The following DIAPH2 variants were observed in gnomAD, a reference collection of about 807,000 sequenced individuals.
DIAPH2 encodes protein diaphanous homolog 2.
DIAPH2 carries 35 observed loss-of-function variants against 92.7 expected under a neutral mutation model. The ratio of observed to expected loss-of-function variants is 0.38; its 90% CI spans 0.29 to 0.50. The LOEUF (loss-of-function observed/expected upper bound fraction) is 0.50. Among genes scored for constraint, DIAPH2 ranks in the 20% least tolerant of loss-of-function variants. The probability of loss-of-function intolerance (pLI) is 0.94; values close to 1 mark genes in which losing one functional copy is unlikely to be tolerated. For synonymous variants in DIAPH2, 301 were observed against 280.4 expected, an observed-to-expected ratio of 1.07 and a Z score of -0.73; for missense variants, 701 against 819.5, an observed-to-expected ratio of 0.86 and a Z score of 1.77.
At chrX:96,806,897 C>T (rs1367536312) in intron 4 of DIAPH2, among the ~76,000 whole-genome samples, 1 of 108,883 alleles carries the variant, frequency 9.2e-6, no homozygotes, top group Non-Finnish European at 1.9e-5. Context: ...CCCGACACCA[C>T]GCCCATCTAA....
At chrX:97,066,256 C>G (rs1287541855) in intron 17 of DIAPH2, among the ~76,000 whole-genome samples, 3 of 111,689 alleles carry the variant, frequency 2.7e-5, no homozygotes, top group Non-Finnish European at 5.7e-5. Flanking sequence ...TGCAGCTAAA[C>G]CATTTTTTAT....
intron 22 of DIAPH2, among the ~76,000 whole-genome samples, chrX:97,221,666 G>A (rs2067926288): frequency 9.0e-6 from 1 of 111,636 alleles, no homozygotes; most frequent in African/African-American, 3.3e-5. Context: ...TAACTCTGCT[G>A]TACATAAAAA....
intron 23 of DIAPH2, among the ~76,000 whole-genome samples, chrX:97,330,081 G>GGGTT (rs1230650344): frequency 3.6e-5 from 1 of 27,742 alleles, no homozygotes; most frequent in Non-Finnish European, 7.9e-5. Flanking sequence ...TTTAGATTTG[G>GGGTT]TGTTTGTGTG....
chrX:97,236,575 C>A (rs187415031), intron 22 of DIAPH2, among the ~76,000 whole-genome samples: 1 of 90,744 alleles, frequency 1.1e-5, no homozygotes, highest in African/African-American at 4.3e-5. Flanking sequence ...GATGGAGTCT[C>A]GCTCTATCGC....
chrX:97,244,711 A>T (rs1010926674), intron 22 of DIAPH2, among the ~76,000 whole-genome samples: 1 of 111,884 alleles, frequency 8.9e-6, no homozygotes, highest in African/African-American at 3.2e-5. Context: ...ACTGGGAGAA[A>T]TTTAACAAGA....
chrX:97,098,524 A>G (rs1249863144), intron 19 of DIAPH2, among the ~76,000 whole-genome samples: 1 of 112,908 alleles, frequency 8.9e-6, no homozygotes, highest in Non-Finnish European at 1.9e-5. Flanking sequence ...ATGTTATGAC[A>G]TGTCAAAACT....
At chrX:97,291,346 C>T (rs934780792) in intron 23 of DIAPH2, among the ~76,000 whole-genome samples, 9 of 110,536 alleles carry the variant, frequency 8.1e-5, no homozygotes, top group African/African-American at 2.3e-4. Flanking sequence ...TGTGGTGAGC[C>T]GAGATCGCAC....
At chrX:96,918,475 T>G in intron 8 of DIAPH2, 34 bp from the exon 9 acceptor site, 1 of 962,615 alleles carries the variant, frequency 1.0e-6, no homozygotes. Flanking sequence ...ATAAGAAGTA[T>G]TTCTCATTTC....
At chrX:97,271,002 T>G (rs1212630394) in intron 23 of DIAPH2, among the ~76,000 whole-genome samples, 2 of 111,442 alleles carry the variant, frequency 1.8e-5, no homozygotes, top group African/African-American at 6.5e-5. Context: ...ACAAAGTATG[T>G]ACTCTGCACT....
At chrX:97,343,407 G>T (rs763032788) in intron 23 of DIAPH2, among the ~76,000 whole-genome samples, 1 of 111,914 alleles carries the variant, frequency 8.9e-6, no homozygotes. Flanking sequence ...GGTGGCTCAC[G>T]CCTGTAATCC....
At chrX:97,445,309 C>T (rs780477804) in intron 26 of DIAPH2, among the ~76,000 whole-genome samples, 2 of 111,550 alleles carry the variant, frequency 1.8e-5, no homozygotes, top group East Asian at 2.8e-4. Flanking sequence ...TCCTGCTTCC[C>T]GTACTTTATG....
chrX:97,218,609 A>G (rs1186387560), intron 22 of DIAPH2, among the ~76,000 whole-genome samples: 1 of 111,017 alleles, frequency 9.0e-6, no homozygotes, highest in Non-Finnish European at 1.9e-5. Flanking sequence ...CAAGAAAAAA[A>G]AAATCAAACC....
chrX:96,941,615 A>C (rs192114422), intron 12 of DIAPH2, among the ~76,000 whole-genome samples: 15 of 111,679 alleles, frequency 1.3e-4, no homozygotes, highest in Non-Finnish European at 2.6e-4. Flanking sequence ...AATGTGAAGA[A>C]ACTCATCCCT....
chrX:96,932,415 A>G (rs764444017), intron 10 of DIAPH2, among the ~76,000 whole-genome samples: 1 of 110,803 alleles, frequency 9.0e-6, no homozygotes, highest in East Asian at 2.8e-4. Context: ...CAGAAAAGGT[A>G]TGGTATTGTA....
At chrX:97,118,649 G>A (rs974479641) in intron 21 of DIAPH2, among the ~76,000 whole-genome samples, 3 of 112,170 alleles carry the variant, frequency 2.7e-5, no homozygotes, top group African/African-American at 9.7e-5. Context: ...ACAATATTAT[G>A]TAATGTCACA....
intron 4 of DIAPH2, among the ~76,000 whole-genome samples, chrX:96,864,710 C>A (rs1226799800): frequency 1.8e-5 from 2 of 111,276 alleles, no homozygotes; most frequent in African/African-American, 6.6e-5. Flanking sequence ...GACAACTGAG[C>A]CAGTCCTTTG....
intron 22 of DIAPH2, among the ~76,000 whole-genome samples, chrX:97,164,587 T>C (rs763013808): frequency 8.9e-6 from 1 of 112,517 alleles, no homozygotes; most frequent in Non-Finnish European, 1.9e-5. Context: ...ACATTGACTT[T>C]ACTATTTTCA....
intron 23 of DIAPH2, among the ~76,000 whole-genome samples, chrX:97,329,606 C>A: frequency 9.0e-6 from 1 of 110,996 alleles, no homozygotes; most frequent in Non-Finnish European, 1.9e-5. Flanking sequence ...CCAATGACTA[C>A]TTTCAATATT....
At chrX:97,270,687 A>G (rs1032456388) in intron 23 of DIAPH2, among the ~76,000 whole-genome samples, 5 of 111,607 alleles carry the variant, frequency 4.5e-5, no homozygotes, top group Non-Finnish European at 3.8e-5. Flanking sequence ...AGTTGTAATT[A>G]CTAGAGAGTT....
Sources: allele counts gnomAD v4.1 joint callset (sites outside exome capture counted in the v4.1 genomes callset), GRCh38; gene constraint gnomAD v4.1.1; transcripts MANE v1.5; gene names NCBI Gene and HGNC (gene_info 2026-07-23, HGNC 2026-07-21).